The following MFAP4 variants were observed in gnomAD, a reference collection of about 807,000 sequenced individuals.
MFAP4 encodes the protein microfibril-associated glycoprotein 4.
In MFAP4, 20 loss-of-function variants were observed where a neutral mutation model predicts 32.4. The ratio of observed to expected loss-of-function variants is 0.62; its 90% CI spans 0.43 to 0.90. The LOEUF (loss-of-function observed/expected upper bound fraction) is 0.90, where lower values mean the gene tolerates loss of function less well. Ranked by LOEUF, MFAP4 falls within the 40% of genes least tolerant of loss-of-function variation. The pLI, the probability that MFAP4 is intolerant of heterozygous loss-of-function variation, is 0.00. For synonymous variants in MFAP4, 146 were observed against 137.4 expected (o/e 1.06, Z -0.44); for missense variants, 267 against 329.5 (o/e 0.81, Z 1.47).
At position 19,386,399 on chromosome 17, in the gene MFAP4, A is replaced by T; in HGVS notation, c.151T>A (p.Ser51Thr). 6.2e-7 allele frequency: 1 copy of T among 1,613,740 alleles called. No individual in the cohort carries two copies. The change falls in exon 3 of 6, where the codon TCA (serine) becomes ACA (threonine). Residue 51 changes from serine to threonine, a missense_variant. Ser to Thr is a moderately conservative substitution (Grantham distance 58). Transcript: ENST00000299610. ...CDDIYAQGYQ[S>T]DGVYLIYPSG... ...GGGTAGATGAGGTACACGCCGTCTG[A>T]CTGGTAGCCCTGGGCATAGATGTCG...
rs1247437923 is a variant in MFAP4 at position 19,386,327 on chromosome 17, C to T, written c.223G>A (p.Glu75Lys). The T allele has an allele frequency of 3.7e-6, 6 of 1,607,860 alleles. No homozygotes were observed. The highest frequency in any genetic ancestry group is 4.2e-6 in the Non-Finnish European group (5 of 1,176,876). The change falls in exon 3 of 6, where the codon GAG becomes AAG. Residue 75 changes from glutamate to lysine, a missense_variant. Physicochemically the swap from Glu to Lys is moderately conservative, Grantham distance 56 (BLOSUM62 1). Transcript: ENST00000299610. ...CCACTCACCGTCCACTTCCCGCCCT[C>T]GGTGGTCATGTCACAGAAGACGGGC... ...PVPVFCDMTT[E>K]GGKWTVFQKR...
chr17:19,385,921 C>T (rs1236695733), intron 3 of MFAP4, among the ~76,000 whole-genome samples: 1 of 152,200 alleles, frequency 6.6e-6, no homozygotes, highest in African/African-American at 2.4e-5. Context: ...GAGTTCAAGG[C>T]CAGCTTGGCC....
chr17:19,386,977 G>GGGCGCC, intron 1 of MFAP4, 139 bp from the exon 2 acceptor site: 2 of 689,460 alleles, frequency 2.9e-6, no homozygotes, highest in Non-Finnish European at 4.7e-6. Context: ...CCTCTTCCCT[G>GGGCGCC]CCCCCCCACC....
At chr17:19,387,052 G>T (rs770448122) in intron 1 of MFAP4, 98 bp downstream of exon 1, 1 of 1,560,258 alleles carries the variant, frequency 6.4e-7, no homozygotes, top group Admixed American at 1.8e-5. Context: ...AGTTTCAAGA[G>T]AACTCCTTGT....
At position 19,384,685 on chromosome 17, in the gene MFAP4, C is replaced by T. The variant is rs770541287; in HGVS notation, c.545G>A (p.Gly182Asp). Reference sequence around the variant, plus strand: ...CCGGTCGAAGGTAGAGAACTTCTGGCCACTGTGGTAGGACAGGGAGTCACC... The same window carrying T: ...CCGGTCGAAGGTAGAGAACTTCTGGTCACTGTGGTAGGACAGGGAGTCACC... ...GAGDSLSYHS[G>D]QKFSTFDRDQ... Residue 182 changes from glycine to aspartate, a missense_variant, in exon 6 of 6, where the codon GGC becomes GAC. This residue lies in a region of MFAP4 where 223 missense variants were observed against 253.3 expected (regional missense o/e 0.88). Coordinates refer to ENST00000299610, the MANE Select transcript of MFAP4 (RefSeq NM_002404.3). 3.7e-6 allele frequency: 6 copies of T among 1,614,140 alleles called. No homozygotes were observed. The highest frequency in any genetic ancestry group is 5.1e-6 in the Non-Finnish European group (6 of 1,180,010).
chr17:19,386,954 C>G, intron 1 of MFAP4, 116 bp from the exon 2 acceptor site: 1 of 1,424,386 alleles, frequency 7.0e-7, no homozygotes, highest in South Asian at 1.2e-5. Flanking sequence ...AATCCCTCTC[C>G]TGCTATTTGG....
In MFAP4 at chr17:19,384,039, C is replaced by T. The variant is rs771988834; in HGVS notation, c.*423G>A. ...TACACCATGGGCCCTGTTCACACTG[C>T]ACTGCTCAGCTTAGCACACTAGGGT... On this transcript the variant is annotated 3_prime_UTR_variant, in exon 6 of 6. Transcript: ENST00000299610. The T allele has an allele frequency of 3.2e-5, 8 of 251,848 alleles. No individual in the cohort carries two copies. Among genetic ancestry groups the T allele is most frequent in the Non-Finnish European group, 5.6e-5 (7 of 125,428 alleles). The allele number at this position is 251,848 out of a possible 1,614,324, so 15.6% of individuals were successfully genotyped here. A position where few individuals can be genotyped will look rare whatever the true frequency, so the allele number is the denominator to read the frequency against.
In MFAP4 at chr17:19,384,567, G is replaced by T. The variant is rs759274925; in HGVS notation, c.663C>A (p.Tyr221Ter). Residue 221 changes from tyrosine to a stop codon, truncating the protein, a stop_gained, in exon 6 of 6, where the codon TAC becomes TAA. Transcript: ENST00000299610. LOFTEE classifies it high-confidence loss of function. The stretch of plus-strand genomic sequence containing the variant: ...CATAAGAGAGGTGGGAGCCACCTAG[G>T]TAGAAGCCATTGAGGTTGGCAAAGT... ...SCHFANLNGF[Y>*]LGGSHLSYAN... 2 of 1,614,192 alleles carry T rather than the reference G, an allele frequency of 1.2e-6. No homozygotes were observed. Among genetic ancestry groups the T allele is most frequent in the Non-Finnish European group, 1.7e-6 (2 of 1,180,018 alleles).
At position 19,384,057 on chromosome 17, in the gene MFAP4, A is replaced by G. The variant is rs1450964334; in HGVS notation, c.*405T>C. 6.9e-6 allele frequency: 2 copies of G among 288,760 alleles called. No individual in the cohort carries two copies. Among genetic ancestry groups the G allele is most frequent in the African/African-American group, 2.2e-5 (1 of 46,052 alleles). 17.9% of individuals were successfully genotyped at this position (288,760 alleles called of 1,614,324 possible). ...CACACTGCACTGCTCAGCTTAGCAC[A>G]CTAGGGTGGCCCAGACAGGGGTCCA... On this transcript the variant is annotated 3_prime_UTR_variant, in exon 6 of 6. Coordinates refer to ENST00000299610, the MANE Select transcript of MFAP4 (RefSeq NM_002404.3).
At position 19,386,355 on chromosome 17, in the gene MFAP4, A is replaced by G. The variant is rs766808107; in HGVS notation, c.195T>C (p.Pro65=). The change falls in exon 3 of 6, where the codon CCT becomes CCC. Residue 65 remains proline (P), a synonymous_variant. Coordinates refer to ENST00000299610, the MANE Select transcript of MFAP4 (RefSeq NM_002404.3). The part of the protein sequence containing the change: ...YLIYPSGPSV[P]VPVFCDMTTE... ...TGGTCATGTCACAGAAGACGGGCAC[A>G]GGCACACTGGGGCCCGAGGGGTAGA... The G allele has an allele frequency of 1.2e-6, 2 of 1,613,350 alleles. No individual in the cohort carries two copies. Among genetic ancestry groups the G allele is most frequent in the South Asian group, 2.2e-5 (2 of 90,942 alleles).
Position 19,384,218 on chromosome 17 carries a change from C to T in MFAP4, c.*244G>A, listed in dbSNP as rs924179206. ...CCAGGTCCAGGCTAGAACCATGTGCCTCTCGGAAGAGGCCTGGGGAACTGC... is the reference window on the plus strand; with the variant it reads ...CCAGGTCCAGGCTAGAACCATGTGCTTCTCGGAAGAGGCCTGGGGAACTGC... On this transcript the variant is annotated 3_prime_UTR_variant, in exon 6 of 6. Transcript: ENST00000299610. 10 of 519,334 alleles carry T rather than the reference C, an allele frequency of 1.9e-5. No homozygotes were observed. The highest frequency in any genetic ancestry group is 2.8e-5 in the Non-Finnish European group (8 of 286,474). 32.2% of individuals were successfully genotyped at this position (519,334 alleles called of 1,614,324 possible). A position where few individuals can be genotyped will look rare whatever the true frequency, so the allele number is the denominator to read the frequency against.
At chr17:19,384,869 A>C (rs1318949180) in intron 5 of MFAP4, among the ~76,000 whole-genome samples, 160 bp from the exon 6 acceptor site, 1 of 152,228 alleles carries the variant, frequency 6.6e-6, no homozygotes, top group Non-Finnish European at 1.5e-5. Context: ...GTGCTTCTGC[A>C]ATGAAGAGAA....
rs199904486 is a variant in MFAP4, at chr17:19,386,349, G to A, written c.201C>T (p.Pro67=). The A allele has an allele frequency of 1.3e-5, 21 of 1,612,470 alleles. No homozygotes were observed. The highest frequency in any genetic ancestry group is 1.7e-5 in the Admixed American group (1 of 59,688). The change falls in exon 3 of 6, where the codon CCC becomes CCT. Residue 67 remains proline, a synonymous_variant. Coordinates refer to ENST00000299610, the MANE Select transcript of MFAP4 (RefSeq NM_002404.3). The part of the protein sequence containing the change: ...IYPSGPSVPV[P]VFCDMTTEGG... ...CCTCGGTGGTCATGTCACAGAAGAC[G>A]GGCACAGGCACACTGGGGCCCGAGG...
intron 5 of MFAP4, 116 bp from the exon 6 acceptor site, chr17:19,384,825 G>T (rs1912964486): frequency 7.1e-7 from 1 of 1,405,142 alleles, no homozygotes; most frequent in African/African-American, 1.4e-5. Context: ...TGGCGGGATG[G>T]GGGCACCCTC....
rs1343236257 is a variant in MFAP4 at position 19,386,856 on chromosome 17, G to GGGTC, written c.7-22_7-19dup. ...AGGAGTGCCTGGCGATGGGCAGACA[G>GGGTC]GGTCAGCACAGCCCCTTCCCAGCTC... is the stretch of plus-strand genomic sequence containing the variant. On this transcript the variant is annotated intron_variant, in intron 1 of 5. Coordinates refer to ENST00000299610, the MANE Select transcript of MFAP4 (RefSeq NM_002404.3). The GGGTC allele has an allele frequency of 3.2e-6, 5 of 1,553,948 alleles. No homozygotes were observed. The African/African-American group carries it at 4.1e-5, about 13-fold the overall frequency.
In MFAP4 at chr17:19,384,562, C is replaced by T; in HGVS notation, c.668G>A (p.Gly223Asp). 1 of 1,614,084 alleles carries T rather than the reference C, an allele frequency of 6.2e-7. No individual in the cohort carries two copies. Among genetic ancestry groups the T allele is most frequent in the South Asian group, 1.1e-5 (1 of 91,086 alleles). The change falls in exon 6 of 6, where the codon GGT (glycine) becomes GAT (aspartate). Residue 223 changes from glycine to aspartate, a missense_variant. Gly to Asp is a moderately conservative substitution (Grantham distance 94). Transcript: ENST00000299610. ...ATTGGCATAAGAGAGGTGGGAGCCA[C>T]CTAGGTAGAAGCCATTGAGGTTGGC... is the stretch of plus-strand genomic sequence containing the variant. ...HFANLNGFYLGGSHLSYANGI... is the reference protein window; with the variant it reads ...HFANLNGFYLDGSHLSYANGI...
In MFAP4 at chr17:19,386,984, C is replaced by A. The variant is rs376950659; in HGVS notation, c.7-146G>T. 40 of 908,306 alleles carry A rather than the reference C, an allele frequency of 4.4e-5. 1 individual carries two copies. The African/African-American group carries it at 4.6e-4, about 10-fold the overall frequency. 56.3% of individuals were successfully genotyped at this position (908,306 alleles called of 1,614,324 possible). A position where few individuals can be genotyped will look rare whatever the true frequency, so the allele number is the denominator to read the frequency against. ...ATTTGGCCCCTCTTCCCTGCCCCCC[C>A]ACCCCGCCCGCCAAGTAACCCCACT... On this transcript the variant is annotated intron_variant, in intron 1 of 5. Transcript: ENST00000299610.
intron 2 of MFAP4, 85 bp downstream of exon 2, chr17:19,386,675 G>A (rs917539129): frequency 1.9e-5 from 27 of 1,446,726 alleles, no homozygotes; most frequent in East Asian, 1.5e-4. Context: ...GCTGGGGCTC[G>A]GCCCTGACAG....
At position 19,385,299 on chromosome 17, in the gene MFAP4, C is replaced by T; in HGVS notation, c.338-18G>A. On this transcript the variant is annotated intron_variant, in intron 4 of 5. Transcript: ENST00000299610. ...CTGCAGCCCTGGGGAGGAGGGGCAG[C>T]TGGTCAACAAGGACCTGGCCCTGGG... 1 of 1,614,204 alleles carries T rather than the reference C, an allele frequency of 6.2e-7. No homozygotes were observed. The highest frequency in any genetic ancestry group is 8.5e-7 in the Non-Finnish European group (1 of 1,180,000).
Sources: gnomAD v4.1 joint callset for allele counts (sites outside exome capture counted in the v4.1 genomes callset) on GRCh38, gnomAD v4.1.1 for gene constraint, gnomAD v4.1.1 regional missense constraint, MANE v1.5 for transcripts, NCBI Gene and HGNC (gene_info 2026-07-23, HGNC 2026-07-21) for gene names.